The following RETREG1 variants were observed in gnomAD, a reference collection of about 807,000 sequenced individuals.
RETREG1 encodes the protein family with sequence similarity 134 member B.
A neutral mutation model predicts 54.8 loss-of-function variants in RETREG1; 44 were observed. The observed-to-expected ratio is 0.80, with a 90% CI of 0.63 to 1.03. The LOEUF (loss-of-function observed/expected upper bound fraction) is 1.03, where lower values mean the gene tolerates loss of function less well. Among genes scored for constraint, RETREG1 ranks in the 50% least tolerant of loss-of-function variants. The probability of loss-of-function intolerance (pLI) is 0.00; values close to 1 mark genes in which losing one functional copy is unlikely to be tolerated. For synonymous variants in RETREG1, 217 were observed against 238.5 expected (o/e 0.91, Z 0.83); for missense variants, 554 against 605.1 (o/e 0.92, Z 0.89).
intron 3 of RETREG1, among the ~76,000 whole-genome samples, chr5:16,557,851 TTG>T (rs1741751310): frequency 6.6e-6 from 1 of 152,128 alleles, no homozygotes; most frequent in African/African-American, 2.4e-5. Flanking sequence ...TTTAATCTAA[TTG>T]CTATGGTTTG....
At chr5:16,579,462 A>G (rs1322638088) in intron 1 of RETREG1, among the ~76,000 whole-genome samples, 3 of 152,166 alleles carry the variant, frequency 2.0e-5, no homozygotes, top group Admixed American at 6.5e-5. Context: ...ACTGGCACCA[A>G]TTTACAGCCT....
intron 1 of RETREG1, among the ~76,000 whole-genome samples, chr5:16,595,273 T>G (rs1742871362): frequency 6.6e-6 from 1 of 152,212 alleles, no homozygotes; most frequent in Non-Finnish European, 1.5e-5. Flanking sequence ...AAAGATCTTT[T>G]TTTTAAGCAC....
chr5:16,560,476 C>T (rs1035408335), intron 3 of RETREG1, among the ~76,000 whole-genome samples: 3 of 152,150 alleles, frequency 2.0e-5, no homozygotes, highest in Non-Finnish European at 2.9e-5. Context: ...TCTTAAAGGT[C>T]ATGAAACGCC....
chr5:16,554,659 C>T (rs774336539), intron 3 of RETREG1, among the ~76,000 whole-genome samples: 23 of 152,130 alleles, frequency 1.5e-4, no homozygotes, highest in Non-Finnish European at 3.4e-4. Flanking sequence ...GCGCATATAC[C>T]TCACTGCGCT....
At chr5:16,616,516 C>A (rs1026584974) in intron 1 of RETREG1, 136 bp downstream of exon 1, 2 of 1,421,700 alleles carry the variant, frequency 1.4e-6, no homozygotes, top group African/African-American at 1.5e-5. Flanking sequence ...AGACAGGTGG[C>A]CGAGAAAGTG....
chr5:16,489,218 G>T (rs1739156253), intron 3 of RETREG1, among the ~76,000 whole-genome samples: 1 of 151,788 alleles, frequency 6.6e-6, no homozygotes, highest in South Asian at 2.1e-4. Flanking sequence ...AGTCAAACTG[G>T]GATGTGAAGC....
intron 1 of RETREG1, among the ~76,000 whole-genome samples, chr5:16,614,859 A>G (rs1446305228): frequency 6.6e-6 from 1 of 152,246 alleles, no homozygotes; most frequent in Non-Finnish European, 1.5e-5. Flanking sequence ...AAGAAATACT[A>G]GGAAAAGGAA....
intron 3 of RETREG1, among the ~76,000 whole-genome samples, chr5:16,491,739 C>T (rs1287647058): frequency 1.3e-5 from 2 of 152,056 alleles, no homozygotes; most frequent in South Asian, 2.1e-4. Context: ...TTAGGAAATA[C>T]GGGCCAGGCA....
intron 3 of RETREG1, among the ~76,000 whole-genome samples, chr5:16,492,657 G>C (rs749270455): frequency 4.6e-5 from 7 of 152,096 alleles, no homozygotes; most frequent in Non-Finnish European, 8.8e-5. Context: ...ATTTTTCTTA[G>C]AAAGGTCAGT....
In RETREG1 at chr5:16,483,426, G is replaced by A. The variant is rs1738892672; in HGVS notation, c.505C>T (p.His169Tyr). ...SKPDERPRLS[H>Y]CIAESWMNFS... ...TTCATCCATGATTCTGCAATACAGT[G>A]GCTGAGCCTGGGTCTTTCATCTGGT... Residue 169 changes from histidine to tyrosine, a missense_variant, in exon 4 of 9, where the codon CAC becomes TAC. Around this residue, in one of 4 missense-constraint regions of RETREG1, gnomAD observed 347 missense variants for 412.3 expected, o/e 0.84. Transcript: ENST00000306320. 1 of 1,613,086 alleles carries A rather than the reference G, an allele frequency of 6.2e-7. No homozygotes were observed. The highest frequency in any genetic ancestry group is 1.1e-5 in the South Asian group (1 of 91,056).
At chr5:16,548,342 C>A (rs1386754177) in intron 3 of RETREG1, among the ~76,000 whole-genome samples, 1 of 152,072 alleles carries the variant, frequency 6.6e-6, no homozygotes, top group Non-Finnish European at 1.5e-5. Flanking sequence ...TGCTCTTATG[C>A]CCCTCCTGCC....
rs368749315 is a variant in RETREG1 at position 16,568,741 on chromosome 5, T to A, written c.428-2948A>T. On this transcript the variant is annotated intron_variant, in intron 2 of 8. Coordinates refer to ENST00000306320, the MANE Select transcript of RETREG1 (RefSeq NM_001034850.3). Reference sequence around the variant, plus strand: ...CTGTTCAATGGGAACAGAGTTGCAGTCATCAAAGATGAAAACGCTCTAGGG... The same window carrying A: ...CTGTTCAATGGGAACAGAGTTGCAGACATCAAAGATGAAAACGCTCTAGGG... Among the ~76,000 whole-genome samples, 39 of 152,116 alleles carry A rather than the reference T, an allele frequency of 2.6e-4. No homozygotes were observed. In the East Asian group the frequency reaches 6.2e-3, roughly 24 times the overall value.
At chr5:16,511,330 C>A (rs1740168625) in intron 3 of RETREG1, among the ~76,000 whole-genome samples, 2 of 152,180 alleles carry the variant, frequency 1.3e-5, no homozygotes, top group Non-Finnish European at 2.9e-5. Context: ...CGGTACTCTG[C>A]AGTGAACTGT....
At chr5:16,584,362 G>A (rs1328454581) in intron 1 of RETREG1, among the ~76,000 whole-genome samples, 2 of 152,164 alleles carry the variant, frequency 1.3e-5, no homozygotes, top group East Asian at 1.9e-4. Context: ...TAACGGTCAA[G>A]TAGCAATCCC....
chr5:16,566,874 C>T (rs1269931402), intron 2 of RETREG1, among the ~76,000 whole-genome samples: 3 of 152,122 alleles, frequency 2.0e-5, no homozygotes, highest in Non-Finnish European at 2.9e-5. Context: ...AAATGGAGAA[C>T]TCAAAAGAAT....
chr5:16,509,560 G>T (rs1170442364), intron 3 of RETREG1: 1 of 152,068 alleles, frequency 6.6e-6, no homozygotes, highest in Non-Finnish European at 1.5e-5. Flanking sequence ...CTCTCAAAAA[G>T]GCCAGAAGAA....
At chr5:16,555,070 C>T (rs1741667956) in intron 3 of RETREG1, among the ~76,000 whole-genome samples, 1 of 48,800 alleles carries the variant, frequency 2.0e-5, no homozygotes, top group Non-Finnish European at 4.8e-5. Flanking sequence ...CCCATTTCAC[C>T]ATCTAACATC....
At chr5:16,534,027 G>A (rs1740987003) in intron 3 of RETREG1, among the ~76,000 whole-genome samples, 1 of 152,046 alleles carries the variant, frequency 6.6e-6, no homozygotes, top group Non-Finnish European at 1.5e-5. Context: ...CTTCTACTTT[G>A]GAAAGGCACA....
rs531401764 is a variant in RETREG1, at chr5:16,585,264, T to C, written c.321-13162A>G. Among the ~76,000 whole-genome samples, 69 of 152,168 alleles carry C rather than the reference T, an allele frequency of 4.5e-4. 1 individual carries two copies. The South Asian group carries it at 0.013, about 30-fold the overall frequency. On this transcript the variant is annotated intron_variant, in intron 1 of 8. Transcript: ENST00000306320. This position sits in a 1 kb window ranked among gnomAD's most constrained non-coding sequence, Gnocchi z 4.5. Reference sequence around the variant, plus strand: ...CATGGTGGACAAACAGATAAGACAGTGGGGAGGAGCAGCAGGGAGTTTGTA... The same window carrying C: ...CATGGTGGACAAACAGATAAGACAGCGGGGAGGAGCAGCAGGGAGTTTGTA...
Sources: allele counts gnomAD v4.1 joint callset (sites outside exome capture counted in the v4.1 genomes callset), GRCh38; gene constraint gnomAD v4.1.1; regional missense constraint gnomAD v4.1.1; non-coding constraint Gnocchi (gnomAD v3.1); transcripts MANE v1.5; gene names NCBI Gene and HGNC (gene_info 2026-07-23, HGNC 2026-07-21).